STOX2: variants seen among roughly 807,000 people sequenced by gnomAD.
STOX2 encodes the protein storkhead-box protein 2.
A neutral mutation model predicts 60.9 loss-of-function variants in STOX2; 28 were observed. The observed-to-expected ratio is 0.46, with a 90% confidence interval of 0.34 to 0.63. The LOEUF (loss-of-function observed/expected upper bound fraction) is 0.63, where lower values mean the gene tolerates loss of function less well. STOX2 is among the 30% of genes least tolerant of loss of function. STOX2 has a pLI of 0.01. For synonymous variants in STOX2, 472 were observed against 463.9 expected (o/e 1.02, Z -0.22); for missense variants, 1,024 against 1,187.7 (o/e 0.86, Z 2.03).
intron 1 of STOX2, among the ~76,000 whole-genome samples, chr4:183,802,637 G>A (rs538636184): frequency 2.9e-5 from 4 of 138,934 alleles, no homozygotes; most frequent in South Asian, 2.3e-4. Context: ...GCGGAGTCTC[G>A]CTCTGTCGCC....
intron 2 of STOX2, among the ~76,000 whole-genome samples, chr4:184,008,754 C>T (rs1414759157): frequency 6.6e-6 from 1 of 152,190 alleles, no homozygotes; most frequent in Non-Finnish European, 1.5e-5. Context: ...TAGATATTTT[C>T]ACTCTGCTTC....
intron 1 of STOX2, among the ~76,000 whole-genome samples, chr4:183,819,301 G>A (rs949684866): frequency 6.6e-6 from 1 of 152,046 alleles, no homozygotes; most frequent in Non-Finnish European, 1.5e-5. Flanking sequence ...CCGGCACCTC[G>A]GGAGGCCGAG....
At chr4:183,961,184 A>G (rs1429675061) in intron 1 of STOX2, among the ~76,000 whole-genome samples, 1 of 152,234 alleles carries the variant, frequency 6.6e-6, no homozygotes, top group Non-Finnish European at 1.5e-5. Context: ...GAGTTGGGCT[A>G]TCTGGTTCAT....
At chr4:183,979,191 T>C (rs1732561640) in intron 1 of STOX2, among the ~76,000 whole-genome samples, 1 of 152,126 alleles carries the variant, frequency 6.6e-6, no homozygotes, top group African/African-American at 2.4e-5. Context: ...GGAGCCAGCA[T>C]TGTTGGATGG....
In STOX2 at chr4:183,865,955, A is replaced by G. The variant is rs964793039; in HGVS notation, c.364+67900A>G. Reference sequence around the variant, plus strand: ...GATTAGGCTTTAGGAAAAATGGAAGACGGAGTTGACACAGGTGAATAAAAT... The same window carrying G: ...GATTAGGCTTTAGGAAAAATGGAAGGCGGAGTTGACACAGGTGAATAAAAT... On this transcript the variant is annotated intron_variant, in intron 1 of 2. Coordinates refer to the STOX2 transcript ENST00000513034. This position sits in a 1 kb window ranked among gnomAD's most constrained non-coding sequence, Gnocchi z 4.1. Among the ~76,000 whole-genome samples the G allele has an allele frequency of 5.3e-5, 8 of 152,308 alleles. No homozygotes were observed. The highest frequency in any genetic ancestry group is 5.2e-4 in the Admixed American group (8 of 15,300).
chr4:183,995,092 G>T (rs1733272403), intron 1 of STOX2, among the ~76,000 whole-genome samples: 1 of 152,146 alleles, frequency 6.6e-6, no homozygotes, highest in Non-Finnish European at 1.5e-5. Context: ...ATAGTTTTAT[G>T]TTGGCTTTTG....
At chr4:183,984,279 C>T (rs369097417) in intron 1 of STOX2, among the ~76,000 whole-genome samples, 2 of 152,186 alleles carry the variant, frequency 1.3e-5, no homozygotes, top group African/African-American at 2.4e-5. Flanking sequence ...TTGGCCTTTC[C>T]GTGGAAGCCA....
chr4:183,860,442 C>CAAAAAAAAAAAAAAAAAAAAAAA (rs35753992), intron 1 of STOX2, among the ~76,000 whole-genome samples: 18 of 121,476 alleles, frequency 1.5e-4, no homozygotes, highest in Middle Eastern at 4.5e-3. Flanking sequence ...AAACAAAAAA[C>CAAAAAAAAAAAAAAAAAAAAAAA]AAAAAAAAAA....
chr4:183,955,437 A>AT lies in STOX2; in HGVS notation c.167-45881dup, dbSNP rs199946788. 4.5e-4 allele frequency among the ~76,000 whole-genome samples: 69 copies of AT among 152,182 alleles called. 1 individual carries two copies. In the East Asian group the frequency reaches 0.011, roughly 24 times the overall value. Reference sequence around the variant, plus strand: ...TCAGAAGTGCCAGATTCCCACCAGAATTTTTTTCCCCAAGTACTCTAGTAT... The same window carrying AT: ...TCAGAAGTGCCAGATTCCCACCAGAATTTTTTTTCCCCAAGTACTCTAGTAT... On this transcript the variant is annotated intron_variant, in intron 1 of 3. Coordinates refer to ENST00000308497, the MANE Select transcript of STOX2 (RefSeq NM_020225.3).
intron 1 of STOX2, among the ~76,000 whole-genome samples, chr4:183,908,456 A>C (rs1741679560): frequency 6.6e-6 from 1 of 152,122 alleles, no homozygotes; most frequent in Non-Finnish European, 1.5e-5. Flanking sequence ...CACACTTCAC[A>C]GTTCCCCTTT....
chr4:183,809,738 A>C (rs1397271911), intron 1 of STOX2, among the ~76,000 whole-genome samples: 1 of 152,226 alleles, frequency 6.6e-6, no homozygotes, highest in Non-Finnish European at 1.5e-5. Flanking sequence ...TTTTGGAGAA[A>C]TACAGAGATT....
rs190975542 is a variant in STOX2 at position 183,882,576 on chromosome 4, A to G, written c.364+84521A>G. Among the ~76,000 whole-genome samples the G allele has an allele frequency of 4.5e-4, 69 of 152,330 alleles. 2 individuals are homozygous for G. Among genetic ancestry groups the G allele is most frequent in the Admixed American group, 4.4e-3 (68 of 15,290 alleles). ...ATGTCAGATTAATATCTTTCTCCCAACATTTAGATTGAATGCTTAGTTTTT... is the reference window on the plus strand; with the variant it reads ...ATGTCAGATTAATATCTTTCTCCCAGCATTTAGATTGAATGCTTAGTTTTT... On this transcript the variant is annotated intron_variant, in intron 1 of 2. Coordinates refer to the STOX2 transcript ENST00000513034.
At chr4:183,885,706 C>T (rs1210290279) in intron 1 of STOX2, among the ~76,000 whole-genome samples, 8 of 152,220 alleles carry the variant, frequency 5.3e-5, no homozygotes, top group Non-Finnish European at 8.8e-5. Flanking sequence ...TCCTTATATA[C>T]ACTGGTGTTT....
chr4:184,019,200 C>T lies in STOX2; in HGVS notation c.*1916C>T, dbSNP rs1032524609. 6.6e-6 allele frequency: 1 copy of T among 152,184 alleles called. No individual in the cohort carries two copies. The highest frequency in any genetic ancestry group is 1.9e-4 in the East Asian group (1 of 5,206). The allele number at this position is 152,184 out of a possible 1,614,324, so 9.4% of individuals were successfully genotyped here. A position where few individuals can be genotyped will look rare whatever the true frequency, so the allele number is the denominator to read the frequency against. ...ATTATAGTGAAACTTCAGCATGTTT[C>T]TTAGTAAACTCCCATACCATTGAAA... On this transcript the variant is annotated 3_prime_UTR_variant, in exon 4 of 4. Transcript: ENST00000308497.
intron 1 of STOX2, among the ~76,000 whole-genome samples, chr4:183,871,556 G>C (rs1372815838): frequency 3.3e-5 from 5 of 152,098 alleles, no homozygotes; most frequent in African/African-American, 1.2e-4. Flanking sequence ...GTGCCATTAG[G>C]AGCCCTCAGC....
chr4:183,833,381 A>G (rs542680630), intron 1 of STOX2, among the ~76,000 whole-genome samples: 1 of 152,250 alleles, frequency 6.6e-6, no homozygotes, highest in African/African-American at 2.4e-5. Context: ...AATTACTCTT[A>G]AAAAGTTATT....
chr4:183,939,874 T>C (rs932471011), intron 1 of STOX2, among the ~76,000 whole-genome samples: 5 of 152,000 alleles, frequency 3.3e-5, no homozygotes, highest in Non-Finnish European at 7.4e-5. Context: ...ACATCAGGAG[T>C]GATCATAGTT....
intron 1 of STOX2, among the ~76,000 whole-genome samples, chr4:183,820,937 C>CAA (rs60152619): frequency 7.2e-6 from 1 of 138,892 alleles, no homozygotes; most frequent in Non-Finnish European, 1.6e-5. Context: ...CCCGTCTCTA[C>CAA]AAAAAAAAAA....
chr4:183,978,966 T>C (rs1038560790), intron 1 of STOX2, among the ~76,000 whole-genome samples: 2 of 152,342 alleles, frequency 1.3e-5, no homozygotes, highest in Admixed American at 1.3e-4. Context: ...TTTTCAAAAT[T>C]ATGTTAAAAA....
Sources: allele counts gnomAD v4.1 joint callset (sites outside exome capture counted in the v4.1 genomes callset), GRCh38; gene constraint gnomAD v4.1.1; non-coding constraint Gnocchi (gnomAD v3.1); transcripts MANE v1.5; gene names NCBI Gene and HGNC (gene_info 2026-07-23, HGNC 2026-07-21).